The following WAC variants were observed in gnomAD, a reference collection of about 807,000 sequenced individuals.
The protein encoded by WAC is WW domain containing adaptor with coiled-coil.
A neutral mutation model predicts 79.6 loss-of-function variants in WAC; 11 were observed. The observed-to-expected ratio is 0.14, with a 90% CI of 0.09 to 0.23. The LOEUF (loss-of-function observed/expected upper bound fraction) is 0.23, where lower values mean the gene tolerates loss of function less well. Ranked by LOEUF, WAC falls within the 10% of genes least tolerant of loss-of-function variation. The pLI, the probability that WAC is intolerant of heterozygous loss-of-function variation, is 1.00. For missense variants in WAC, 728 were observed against 773.5 expected, an observed-to-expected ratio of 0.94 and a Z score of 0.70; for synonymous variants, 304 against 276.9, an observed-to-expected ratio of 1.10 and a Z score of -0.97.
At position 28,616,214 on chromosome 10, in the gene WAC, ATAG is replaced by A. The variant is rs759989655; in HGVS notation, c.1604_1606del (p.Ser535del). ...TCACCTGGTCCCAATCATACTTCTAATAGTAGTAATGCATCAAATGCAACAGTT... is the reference window on the plus strand; with the variant it reads ...TCACCTGGTCCCAATCATACTTCTAATAGTAATGCATCAAATGCAACAGTT... On this transcript the variant is annotated inframe_deletion, in exon 12 of 14. Transcript: ENST00000354911. 3.7e-6 allele frequency: 6 copies of A among 1,612,408 alleles called. No individual in the cohort carries two copies. Among genetic ancestry groups the A allele is most frequent in the Non-Finnish European group, 5.1e-6 (6 of 1,179,226 alleles).
chr10:28,617,102 C>T (rs1169122707), intron 12 of WAC, among the ~76,000 whole-genome samples: 1 of 152,052 alleles, frequency 6.6e-6, no homozygotes, highest in Non-Finnish European at 1.5e-5. Flanking sequence ...AAAAAAAACC[C>T]CACTTAATTT....
intron 3 of WAC, among the ~76,000 whole-genome samples, chr10:28,580,302 T>G (rs1432061202): frequency 6.6e-6 from 1 of 152,232 alleles, no homozygotes; most frequent in East Asian, 1.9e-4. Context: ...TATAATTAAT[T>G]GGAATGCTTG....
chr10:28,595,055 C>T (rs764974099), intron 6 of WAC, among the ~76,000 whole-genome samples: 11 of 152,068 alleles, frequency 7.2e-5, no homozygotes, highest in African/African-American at 4.8e-5. Context: ...GACTATGCTG[C>T]GGGTGTTGGA....
chr10:28,619,643 A>G lies in WAC; in HGVS notation c.*37A>G, dbSNP rs201914472. The G allele has an allele frequency of 1.4e-3, 2,063 of 1,519,068 alleles. 5 individuals are homozygous for G. The highest frequency in any genetic ancestry group is 2.9e-3 in the Admixed American group (119 of 40,792). 94.1% of individuals were successfully genotyped at this position (1,519,068 alleles called of 1,614,324 possible). A position where few individuals can be genotyped will look rare whatever the true frequency, so the allele number is the denominator to read the frequency against. ...ATTGCACATGGTTTTGAGAACAGGA[A>G]CTGTAAATCTGTTGCCCAATCTTAA... On this transcript the variant is annotated 3_prime_UTR_variant, in exon 14 of 14. Coordinates refer to ENST00000354911, the MANE Select transcript of WAC (RefSeq NM_016628.5).
chr10:28,585,995 T>C (rs1322474168), intron 4 of WAC, among the ~76,000 whole-genome samples: 1 of 152,186 alleles, frequency 6.6e-6, no homozygotes, highest in Non-Finnish European at 1.5e-5. Context: ...CTAGAATAGA[T>C]AAAATGTTTT....
chr10:28,601,048 G>A (rs1017647734), intron 7 of WAC, among the ~76,000 whole-genome samples: 1 of 151,978 alleles, frequency 6.6e-6, no homozygotes, highest in African/African-American at 2.4e-5. Flanking sequence ...CTTGAAATAT[G>A]ATAACCAGAG....
At chr10:28,616,114 G>A in intron 11 of WAC, 59 bp from the exon 12 acceptor site, 1 of 1,368,914 alleles carries the variant, frequency 7.3e-7, no homozygotes, top group Non-Finnish European at 9.8e-7. Flanking sequence ...GCAGTTTCTA[G>A]GATAAGGATA....
At chr10:28,534,728 C>T (rs1455901684) in intron 2 of WAC, among the ~76,000 whole-genome samples, 2 of 152,206 alleles carry the variant, frequency 1.3e-5, no homozygotes, top group Admixed American at 6.5e-5. Flanking sequence ...CATCAGATGA[C>T]TGCAGAAAAC....
chr10:28,542,317 T>G (rs116090108), intron 3 of WAC, among the ~76,000 whole-genome samples: 4,485 of 152,280 alleles, frequency 0.029, 229 homozygotes, highest in African/African-American at 0.1. Context: ...CTGTTATGAT[T>G]TACTTATAGT....
At chr10:28,579,119 T>C (rs1839397963) in intron 3 of WAC, among the ~76,000 whole-genome samples, 1 of 152,200 alleles carries the variant, frequency 6.6e-6, no homozygotes, top group Admixed American at 6.5e-5. Flanking sequence ...TGTACAACAT[T>C]TAAAAACATT....
intron 7 of WAC, among the ~76,000 whole-genome samples, chr10:28,597,847 C>T (rs1281543275): frequency 6.6e-6 from 1 of 152,194 alleles, no homozygotes. Context: ...GGCTCTTTCT[C>T]CTAGCACTCA....
intron 3 of WAC, among the ~76,000 whole-genome samples, chr10:28,580,666 A>G (rs1839487136): frequency 6.6e-6 from 1 of 152,166 alleles, no homozygotes; most frequent in Non-Finnish European, 1.5e-5. Context: ...CGAGTAGTGC[A>G]TATATATTCT....
intron 3 of WAC, among the ~76,000 whole-genome samples, chr10:28,576,712 G>A (rs1307397582): frequency 6.6e-6 from 1 of 152,186 alleles, no homozygotes; most frequent in Non-Finnish European, 1.5e-5. Context: ...TGGGAGACAT[G>A]TATAATGCCC....
chr10:28,533,026 T>G (rs1485597628), upstream of WAC: 2 of 154,290 alleles, frequency 1.3e-5, no homozygotes, highest in African/African-American at 2.4e-5. Flanking sequence ...AGGGCGGTGT[T>G]CCGGACCCGC....
chr10:28,604,513 G>T (rs529571002), intron 7 of WAC, among the ~76,000 whole-genome samples: 4 of 152,158 alleles, frequency 2.6e-5, no homozygotes, highest in African/African-American at 9.6e-5. Flanking sequence ...GAACAGATCA[G>T]TTGAGGCCAG....
At chr10:28,581,882 A>G (rs1299112842) in intron 3 of WAC, among the ~76,000 whole-genome samples, 1 of 152,142 alleles carries the variant, frequency 6.6e-6, no homozygotes, top group African/African-American at 2.4e-5. Context: ...TAGAGCATTT[A>G]TTGAGGATTT....
intron 3 of WAC, among the ~76,000 whole-genome samples, chr10:28,541,931 G>GTTTGGATT (rs1837075263): frequency 6.6e-6 from 1 of 152,136 alleles, no homozygotes; most frequent in Non-Finnish European, 1.5e-5. Context: ...GAGTGATCCA[G>GTTTGGATT]TTAAAATGCC....
At chr10:28,553,785 A>C (rs1370275537) in intron 3 of WAC, among the ~76,000 whole-genome samples, 1 of 152,228 alleles carries the variant, frequency 6.6e-6, no homozygotes, top group African/African-American at 2.4e-5. Flanking sequence ...GTCTTTACTG[A>C]ACATGTACAG....
chr10:28,605,591 C>T lies in WAC; in HGVS notation c.920-2595C>T, dbSNP rs1470338979. On this transcript the variant is annotated intron_variant, in intron 7 of 13. Coordinates refer to ENST00000354911, the MANE Select transcript of WAC (RefSeq NM_016628.5). ...AATTCCCCAAAACTGCAAAAGAAGT[C>T]TATCCTTGGGGTAAATAAACAGAAA... 2.6e-5 allele frequency among the ~76,000 whole-genome samples: 4 copies of T among 152,184 alleles called. No homozygotes were observed. The East Asian group carries it at 7.7e-4, about 29-fold the overall frequency.
Sources: gnomAD v4.1 joint callset for allele counts (sites outside exome capture counted in the v4.1 genomes callset) on GRCh38, gnomAD v4.1.1 for gene constraint, MANE v1.5 for transcripts, NCBI Gene and HGNC (gene_info 2026-07-23, HGNC 2026-07-21) for gene names.